The following ADGRB2 variants were observed in gnomAD, a reference collection of about 807,000 sequenced individuals.
ADGRB2 encodes the protein adhesion G protein-coupled receptor B2, also known as brain-specific angiogenesis inhibitor 2.
ADGRB2 carries 47 observed loss-of-function variants against 178.7 expected under a neutral mutation model. The observed-to-expected ratio is 0.26, with a 90% CI of 0.21 to 0.34. ADGRB2 has a LOEUF of 0.34. ADGRB2 is among the 10% of genes least tolerant of loss of function. The pLI is 1.00. For synonymous variants in ADGRB2, 870 were observed against 912.4 expected, an observed-to-expected ratio of 0.95 and a Z score of 0.84; for missense variants, 1,584 against 2,180.8, an observed-to-expected ratio of 0.73 and a Z score of 5.45.
chr1:31,762,383 A>G (rs1013989305), intron 1 of ADGRB2, among the ~76,000 whole-genome samples: 3 of 152,116 alleles, frequency 2.0e-5, no homozygotes, highest in African/African-American at 7.2e-5. Flanking sequence ...TCCCAGGGTC[A>G]GGTGGATTCC....
chr1:31,731,526 G>A, intron 28 of ADGRB2, 107 bp from the exon 29 acceptor site: 1 of 1,375,802 alleles, frequency 7.3e-7, no homozygotes, highest in Non-Finnish European at 9.8e-7. Flanking sequence ...GGACAGGAAA[G>A]GAAACTGGGT....
chr1:31,738,850 C>T lies in ADGRB2; in HGVS notation c.2583G>A (p.Glu861=), dbSNP rs371413169. 83 of 1,613,956 alleles carry T rather than the reference C, an allele frequency of 5.1e-5. No individual in the cohort carries two copies. Among genetic ancestry groups the T allele is most frequent in the Middle Eastern group, 4.9e-4 (3 of 6,082 alleles). The stretch of plus-strand genomic sequence containing the variant: ...CACTCACATTGATGATGTAGGAGAG[C>T]TCCACAGTGATGAGGGGCTCAGCTG... The part of the protein sequence containing the change: ...QPPAEPLITV[E]LSYIINGTTD... The change falls in exon 16 of 33, where the codon GAG becomes GAA. Residue 861 remains glutamate (E), a synonymous_variant. Coordinates refer to ENST00000373658, the MANE Select transcript of ADGRB2 (RefSeq NM_001364857.2).
chr1:31,734,942 C>T (rs994373411), intron 25 of ADGRB2, among the ~76,000 whole-genome samples: 2 of 152,080 alleles, frequency 1.3e-5, no homozygotes, highest in Non-Finnish European at 2.9e-5. Flanking sequence ...GGAGTGAGGG[C>T]AGGGGCGGGA....
At chr1:31,745,257 A>G (rs1176494074) in intron 4 of ADGRB2, among the ~76,000 whole-genome samples, 1 of 152,118 alleles carries the variant, frequency 6.6e-6, no homozygotes, top group Non-Finnish European at 1.5e-5. Flanking sequence ...CCTATCTCTG[A>G]GATACAGTTC....
chr1:31,746,750 C>G (rs1646294284), intron 4 of ADGRB2, among the ~76,000 whole-genome samples: 1 of 152,220 alleles, frequency 6.6e-6, no homozygotes, highest in Admixed American at 6.5e-5. Flanking sequence ...CCCACAAAGG[C>G]CAGCCCCGTG....
At chr1:31,736,277 C>T in intron 22 of ADGRB2, 44 bp downstream of exon 22, 4 of 1,604,468 alleles carry the variant, frequency 2.5e-6, no homozygotes, top group Non-Finnish European at 3.4e-6. Flanking sequence ...GATTCCCTAA[C>T]AGATCCACTA....
chr1:31,735,787 TG>T lies in ADGRB2; in HGVS notation c.3267+39del. On this transcript the variant is annotated intron_variant, in intron 23 of 32. Transcript: ENST00000373658. The surrounding 1 kb of genome is among the most constrained non-coding windows in gnomAD (Gnocchi z 6.0). ...TAGAGGGAGAAACAGGATGACCCTC[TG>T]GGGCCATGCCCCTTCCAAGATGCTG... The T allele has an allele frequency of 6.2e-7, 1 of 1,600,818 alleles. No homozygotes were observed. Among genetic ancestry groups the T allele is most frequent in the Non-Finnish European group, 8.5e-7 (1 of 1,172,178 alleles).
At position 31,735,873 on chromosome 1, in the gene ADGRB2, C is replaced by T; in HGVS notation, c.3221G>A (p.Gly1074Asp). Residue 1074 changes from glycine to aspartate, a missense_variant, in exon 23 of 33, where the codon GGC becomes GAC. Coordinates refer to ENST00000373658, the MANE Select transcript of ADGRB2 (RefSeq NM_001364857.2). This position sits in a 1 kb window ranked among gnomAD's most constrained non-coding sequence, Gnocchi z 6.0. ...GCCCACAAAGGCGTAGAGCAGGCCG[C>T]CCTCCAGGGAGAGCCAGCAGCTGGG... The part of the protein sequence containing the change: ...TSSYCWLSLE[G>D]GLLYAFVGPA... The T allele has an allele frequency of 3.1e-6, 5 of 1,603,474 alleles. No homozygotes were observed. The highest frequency in any genetic ancestry group is 4.3e-6 in the Non-Finnish European group (5 of 1,174,946).
At chr1:31,746,313 C>A in intron 4 of ADGRB2, among the ~76,000 whole-genome samples, 1 of 152,154 alleles carries the variant, frequency 6.6e-6, no homozygotes, top group East Asian at 1.9e-4. Context: ...CTTCCAGCCC[C>A]TCATGTGCCA....
chr1:31,736,445 G>T, intron 21 of ADGRB2, 55 bp from the exon 22 acceptor site: 1 of 1,608,466 alleles, frequency 6.2e-7, no homozygotes, highest in Non-Finnish European at 8.5e-7. Context: ...GGGACCCCTT[G>T]TTCTCCCAGA....
Position 31,757,290 on chromosome 1 carries a change from A to G in ADGRB2, c.-60-9T>C. The G allele has an allele frequency of 6.3e-7, 1 of 1,588,106 alleles. No homozygotes were observed. Among genetic ancestry groups the G allele is most frequent in the East Asian group, 2.2e-5 (1 of 44,712 alleles). ...CATGTCACCGCGTAATCCTGTGGTA[A>G]TTGTCAAAGTGGTGATGTTTGACTA... On this transcript the variant is annotated splice_polypyrimidine_tract_variant and intron_variant, in intron 2 of 32. Transcript: ENST00000373658.
intron 15 of ADGRB2, 154 bp downstream of exon 15, chr1:31,739,154 T>C (rs1645796016): frequency 6.3e-6 from 6 of 955,370 alleles, no homozygotes; most frequent in Non-Finnish European, 9.2e-6. Context: ...TGGATAAATT[T>C]GAGAAGCATG....
chr1:31,727,745 C>T lies in ADGRB2; in HGVS notation c.4573-140G>A. ...TCAGGTGTCAAGCAGAATTCAAATA[C>T]AGACCTGCCTGGTTCCAGGGTGGGG... On this transcript the variant is annotated intron_variant, in intron 32 of 32. Coordinates refer to ENST00000373658, the MANE Select transcript of ADGRB2 (RefSeq NM_001364857.2). This position sits in a 1 kb window ranked among gnomAD's most constrained non-coding sequence, Gnocchi z 4.4. 10 of 1,026,342 alleles carry T rather than the reference C, an allele frequency of 9.7e-6. No individual in the cohort carries two copies. The highest frequency in any genetic ancestry group is 1.4e-5 in the Non-Finnish European group (10 of 732,306). 63.6% of individuals were successfully genotyped at this position (1,026,342 alleles called of 1,614,324 possible). A position where few individuals can be genotyped will look rare whatever the true frequency, so the allele number is the denominator to read the frequency against.
rs968071738 is a variant in ADGRB2 at position 31,740,889 on chromosome 1, G to A, written c.1795-348C>T. ...GAGTGTAATGAGCATGTGTGTGGGC[G>A]CGCGCGCACACACACACACACACAC... On this transcript the variant is annotated intron_variant, in intron 11 of 32. Transcript: ENST00000373658. The surrounding 1 kb of genome is among the most constrained non-coding windows in gnomAD (Gnocchi z 5.9). Among the ~76,000 whole-genome samples, 9 of 56,570 alleles carry A rather than the reference G, an allele frequency of 1.6e-4. No homozygotes were observed. The highest frequency in any genetic ancestry group is 4.4e-4 in the East Asian group (1 of 2,272). The allele number at this position is 56,570 out of a possible 152,430, so 37.1% of individuals were successfully genotyped here.
Position 31,730,886 on chromosome 1 carries a change from C to G in ADGRB2, c.4294G>C (p.Ala1432Pro). 1.3e-6 allele frequency: 2 copies of G among 1,574,010 alleles called. No individual in the cohort carries two copies. The highest frequency in any genetic ancestry group is 8.6e-7 in the Non-Finnish European group (1 of 1,160,014). Residue 1432 changes from alanine to proline, a missense_variant, in exon 29 of 33, where the codon GCC becomes CCC. Physicochemically the swap from Ala to Pro is conservative, Grantham distance 27. Coordinates refer to ENST00000373658, the MANE Select transcript of ADGRB2 (RefSeq NM_001364857.2). ...TCCCCTGGCTCGGGCACTTGGCGGG[C>G]GCTGGGTGTCGGCGGTGGCGGTTGG... ...TFQPPPPTPSARQVPEPGERS... is the reference protein window; with the variant it reads ...TFQPPPPTPSPRQVPEPGERS...
rs144864750 is a variant in ADGRB2 at position 31,728,425 on chromosome 1, G to T, written c.4417-145C>A. ...AAGACCTAGTTCTCTCTTCACGTTG[G>T]TGCTATGGGCTTGGGCAGGGAGGGA... On this transcript the variant is annotated intron_variant, in intron 30 of 32. Transcript: ENST00000373658. This position sits in a 1 kb window ranked among gnomAD's most constrained non-coding sequence, Gnocchi z 6.7. 2.1e-3 allele frequency: 2,820 copies of T among 1,332,520 alleles called. 7 individuals carry two copies. Among genetic ancestry groups the T allele is most frequent in the Middle Eastern group, 6.3e-3 (32 of 5,066 alleles). 82.5% of individuals were successfully genotyped at this position (1,332,520 alleles called of 1,614,324 possible).
chr1:31,756,201 G>A lies in ADGRB2; in HGVS notation c.636C>T (p.Ala212=), dbSNP rs147586249. 1.3e-4 allele frequency: 203 copies of A among 1,613,530 alleles called. No homozygotes were observed. The highest frequency in any genetic ancestry group is 1.4e-4 in the Non-Finnish European group (167 of 1,179,900). Residue 212 remains alanine, a synonymous_variant, in exon 4 of 33, where the codon GCC becomes GCT. Transcript: ENST00000373658. The surrounding 1 kb of genome is among the most constrained non-coding windows in gnomAD (Gnocchi z 8.5). ...GCTGAGCAAAGCCGCAGGCCCTGCC[G>A]GCAGCGCGGCCACACTCCTCACTCC... ...CRWSEECGRA[A]GRACGFAQPG...
Position 31,739,882 on chromosome 1 carries a change from T to G in ADGRB2, c.2167+44A>C, listed in dbSNP as rs748718058. ...TAGAGGAAAGACAGAACGTCTTGAG[T>G]TCTGGCACATTCAGGACCCCCACCC... is the stretch of plus-strand genomic sequence containing the variant. On this transcript the variant is annotated intron_variant, in intron 14 of 32. Transcript: ENST00000373658. 4 of 1,557,024 alleles carry G rather than the reference T, an allele frequency of 2.6e-6. No individual in the cohort carries two copies. The Admixed American group carries it at 6.7e-5, about 26-fold the overall frequency.
chr1:31,760,270 G>A (rs1245618134), intron 1 of ADGRB2, among the ~76,000 whole-genome samples: 2 of 152,150 alleles, frequency 1.3e-5, no homozygotes, highest in African/African-American at 4.8e-5. Flanking sequence ...GTGCGGAGCT[G>A]GCTGAAGTAG....
Sources: gnomAD v4.1 joint callset for allele counts (sites outside exome capture counted in the v4.1 genomes callset) on GRCh38, gnomAD v4.1.1 for gene constraint, Gnocchi (gnomAD v3.1) non-coding constraint, MANE v1.5 for transcripts, NCBI Gene and HGNC (gene_info 2026-07-23, HGNC 2026-07-21) for gene names.